Variants in CCDC68 observed in about 807,000 individuals in gnomAD.
The protein encoded by CCDC68 is coiled-coil domain-containing protein 68.
A neutral mutation model predicts 47.1 loss-of-function variants in CCDC68; 45 were observed. The observed-to-expected ratio is 0.96, with a 90% CI of 0.75 to 1.23. The LOEUF is 1.23. CCDC68 is among the 50% of genes most tolerant of loss of function. CCDC68 has a pLI of 0.00. For synonymous variants in CCDC68, 131 were observed against 129.5 expected, an observed-to-expected ratio of 1.01 and a Z score of -0.08; for missense variants, 353 against 373.6, an observed-to-expected ratio of 0.94 and a Z score of 0.45.
At chr18:54,952,634 C>T (rs1292717040) in intron 1 of CCDC68, among the ~76,000 whole-genome samples, 1 of 152,152 alleles carries the variant, frequency 6.6e-6, no homozygotes, top group African/African-American at 2.4e-5. Context: ...AGTTATATTC[C>T]ATAAAACCTG....
At chr18:54,907,937 C>A in intron 10 of CCDC68, 75 bp from the exon 11 acceptor site, 1 of 837,042 alleles carries the variant, frequency 1.2e-6, no homozygotes, top group Non-Finnish European at 2.1e-6. Flanking sequence ...TTCTATTCAA[C>A]CCAACACCTG....
chr18:54,906,742 T>A lies in CCDC68; in HGVS notation c.950+1044A>T, dbSNP rs192247428. The stretch of plus-strand genomic sequence containing the variant: ...GAAATGTAGGCATTTCCTCTCCTCC[T>A]GGGAAACCTCTGAGGCTTCATTTCT... On this transcript the variant is annotated intron_variant, in intron 11 of 11. Coordinates refer to ENST00000591504, the MANE Select transcript of CCDC68 (RefSeq NM_025214.3). 3.3e-5 allele frequency among the ~76,000 whole-genome samples: 5 copies of A among 152,350 alleles called. No homozygotes were observed. In the East Asian group the frequency reaches 9.6e-4, roughly 29 times the overall value.
intron 1 of CCDC68, among the ~76,000 whole-genome samples, chr18:54,953,356 A>G (rs1000485666): frequency 5.9e-5 from 9 of 152,212 alleles, no homozygotes; most frequent in African/African-American, 2.2e-4. Flanking sequence ...GTAACCTGGC[A>G]GGATCTAAAA....
chr18:54,904,640 A>G (rs1490654353), intron 11 of CCDC68, among the ~76,000 whole-genome samples: 1 of 152,242 alleles, frequency 6.6e-6, no homozygotes, highest in African/African-American at 2.4e-5. Context: ...TAGATGTAAC[A>G]GGACAAGAAT....
intron 8 of CCDC68, among the ~76,000 whole-genome samples, chr18:54,921,510 G>GT (rs1268157340): frequency 2.6e-5 from 4 of 152,234 alleles, no homozygotes; most frequent in African/African-American, 9.6e-5. Context: ...ATGTTTGGGA[G>GT]TACAGCCACA....
chr18:54,929,474 G>T (rs545788012), intron 7 of CCDC68, among the ~76,000 whole-genome samples: 2 of 152,120 alleles, frequency 1.3e-5, no homozygotes, highest in African/African-American at 4.8e-5. Context: ...TGATTATTAA[G>T]CCAAAGCTTT....
chr18:54,909,571 C>T (rs1914227595), intron 10 of CCDC68, among the ~76,000 whole-genome samples: 1 of 152,190 alleles, frequency 6.6e-6, no homozygotes, highest in Non-Finnish European at 1.5e-5. Context: ...CTGTGAACTA[C>T]TGGCCTAGGT....
chr18:54,958,197 C>T (rs1480390496), intron 1 of CCDC68: 2 of 152,190 alleles, frequency 1.3e-5, no homozygotes, highest in Non-Finnish European at 2.9e-5. Flanking sequence ...TTTCTGCAAA[C>T]ATTTGAGGAA....
At chr18:54,933,415 C>T (rs2044296509) in intron 7 of CCDC68, among the ~76,000 whole-genome samples, 1 of 152,146 alleles carries the variant, frequency 6.6e-6, no homozygotes, top group African/African-American at 2.4e-5. Context: ...GTGACGGTTG[C>T]CACTAAACCT....
At chr18:54,926,777 T>A (rs953326020) in intron 8 of CCDC68, among the ~76,000 whole-genome samples, 1 of 152,208 alleles carries the variant, frequency 6.6e-6, no homozygotes, top group Non-Finnish European at 1.5e-5. Context: ...TTGCTATGTA[T>A]GAGAATGTAG....
At chr18:54,950,503 G>A (rs2145634846) in intron 1 of CCDC68, among the ~76,000 whole-genome samples, 1 of 152,242 alleles carries the variant, frequency 6.6e-6, no homozygotes, top group Non-Finnish European at 1.5e-5. Flanking sequence ...ATGTTACGCT[G>A]TACCCAAGTT....
At chr18:54,934,725 T>C in intron 7 of CCDC68, 95 bp downstream of exon 7, 3 of 876,616 alleles carry the variant, frequency 3.4e-6, no homozygotes, top group South Asian at 3.6e-5. Context: ...TATTATCTTA[T>C]TTAATTTAAT....
intron 7 of CCDC68, among the ~76,000 whole-genome samples, chr18:54,932,330 A>G (rs191696967): frequency 3.3e-5 from 5 of 151,746 alleles, no homozygotes; most frequent in African/African-American, 1.2e-4. Flanking sequence ...GACTACAAGC[A>G]CATGCTACCA....
chr18:54,916,879 G>T (rs955182364), intron 10 of CCDC68, among the ~76,000 whole-genome samples: 2 of 152,200 alleles, frequency 1.3e-5, no homozygotes, highest in African/African-American at 2.4e-5. Context: ...TGGTTCTCAT[G>T]ATAGTGAGTG....
At chr18:54,937,850 G>C (rs1350127456) in intron 5 of CCDC68, 107 bp downstream of exon 5, 7 of 840,794 alleles carry the variant, frequency 8.3e-6, no homozygotes, top group Non-Finnish European at 1.1e-5. Context: ...TGGACCTATG[G>C]ATGTGTGTGG....
chr18:54,916,255 T>C (rs1344920788), intron 10 of CCDC68, among the ~76,000 whole-genome samples: 1 of 152,076 alleles, frequency 6.6e-6, no homozygotes, highest in Non-Finnish European at 1.5e-5. Flanking sequence ...GGCGAGAGTC[T>C]AAAGACAGTG....
chr18:54,949,108 C>T (rs570383490), intron 1 of CCDC68, among the ~76,000 whole-genome samples: 4 of 152,304 alleles, frequency 2.6e-5, no homozygotes, highest in Admixed American at 2.0e-4. Context: ...ATTCTCGTGC[C>T]TCAGCTTCCC....
intron 10 of CCDC68, among the ~76,000 whole-genome samples, chr18:54,910,965 C>T (rs1914330730): frequency 6.6e-6 from 1 of 152,204 alleles, no homozygotes; most frequent in South Asian, 2.1e-4. Flanking sequence ...CCTGAGTCTG[C>T]AGCCACAGTT....
intron 10 of CCDC68, among the ~76,000 whole-genome samples, chr18:54,911,732 T>C (rs188199468): frequency 5.3e-5 from 8 of 152,324 alleles, no homozygotes; most frequent in African/African-American, 4.8e-5. Flanking sequence ...ACAAGCATGA[T>C]TGAAATGAAA....
Sources: allele counts gnomAD v4.1 joint callset (sites outside exome capture counted in the v4.1 genomes callset), GRCh38; gene constraint gnomAD v4.1.1; transcripts MANE v1.5; gene names NCBI Gene and HGNC (gene_info 2026-07-23, HGNC 2026-07-21).